The following CBLB variants were observed in gnomAD, a reference collection of about 807,000 sequenced individuals.
CBLB encodes Cbl proto-oncogene B, also known as E3 ubiquitin-protein ligase CBL-B.
In CBLB, 31 loss-of-function variants were observed where a neutral mutation model predicts 104.9. The observed-to-expected ratio is 0.30, with a 90% CI of 0.22 to 0.40. CBLB has a LOEUF of 0.40. CBLB is among the 10% of genes least tolerant of loss of function. The pLI, the probability that CBLB is intolerant of heterozygous loss-of-function variation, is 1.00. For synonymous variants in CBLB, 440 were observed against 422.6 expected (o/e 1.04, Z -0.51); for missense variants, 1,062 against 1,214.6 (o/e 0.87, Z 1.87).
intron 4 of CBLB, among the ~76,000 whole-genome samples, chr3:105,763,439 A>G (rs571134228): frequency 3.6e-4 from 54 of 152,072 alleles, no homozygotes; most frequent in Admixed American, 1.3e-3. Context: ...GAAAGGACCT[A>G]ATAGGAGGTA....
At chr3:105,729,546 A>C (rs2074075581) in intron 9 of CBLB, among the ~76,000 whole-genome samples, 1 of 152,122 alleles carries the variant, frequency 6.6e-6, no homozygotes, top group Non-Finnish European at 1.5e-5. Context: ...TGAGGAAAAA[A>C]TTGAACAAGA....
chr3:105,837,735 T>C (rs2088785947), intron 3 of CBLB, among the ~76,000 whole-genome samples: 1 of 152,180 alleles, frequency 6.6e-6, no homozygotes, highest in Admixed American at 6.5e-5. Flanking sequence ...AATTAAAACA[T>C]AAATAATAAT....
intron 3 of CBLB, among the ~76,000 whole-genome samples, chr3:105,789,714 C>T (rs1296055202): frequency 2.0e-5 from 3 of 152,110 alleles, no homozygotes; most frequent in Non-Finnish European, 2.9e-5. Context: ...CTTTTAATTA[C>T]GCTGCCATTT....
At chr3:105,704,801 A>AAACT (rs945420013) in intron 10 of CBLB, among the ~76,000 whole-genome samples, 1 of 136,846 alleles carries the variant, frequency 7.3e-6, no homozygotes, top group African/African-American at 2.6e-5. Flanking sequence ...CTTCTGGCAA[A>AAACT]AACTAAGTTT....
intron 3 of CBLB, among the ~76,000 whole-genome samples, chr3:105,849,260 A>C (rs2090656175): frequency 6.6e-6 from 1 of 152,154 alleles, no homozygotes; most frequent in Non-Finnish European, 1.5e-5. Context: ...AATTGTTATG[A>C]AACATTTATC....
chr3:105,768,018 A>G (rs1204532349), intron 4 of CBLB, among the ~76,000 whole-genome samples: 4 of 152,166 alleles, frequency 2.6e-5, no homozygotes, highest in Non-Finnish European at 5.9e-5. Context: ...CTACTTCTCA[A>G]CTCATCTGAA....
intron 3 of CBLB, among the ~76,000 whole-genome samples, chr3:105,825,817 T>C (rs1056274578): frequency 2.0e-5 from 3 of 152,178 alleles, no homozygotes; most frequent in Admixed American, 6.6e-5. Flanking sequence ...TAGCATGATA[T>C]CACTATCACA....
At chr3:105,776,349 A>C in intron 4 of CBLB, 47 bp downstream of exon 4, 1 of 1,551,606 alleles carries the variant, frequency 6.4e-7, no homozygotes, top group Non-Finnish European at 8.9e-7. Flanking sequence ...AGGATACAGT[A>C]ACCCTTGAAA....
chr3:105,728,901 C>T (rs370996307), intron 9 of CBLB, among the ~76,000 whole-genome samples: 5 of 152,160 alleles, frequency 3.3e-5, no homozygotes, highest in African/African-American at 1.2e-4. Context: ...ACAGCTACTG[C>T]GCATTTCTTA....
At chr3:105,724,546 A>G (rs2073332348) in intron 9 of CBLB, among the ~76,000 whole-genome samples, 1 of 152,186 alleles carries the variant, frequency 6.6e-6, no homozygotes, top group Non-Finnish European at 1.5e-5. Context: ...AAAGCTTTAT[A>G]AAGTGCTATA....
chr3:105,669,554 C>T (rs180899306), intron 18 of CBLB, among the ~76,000 whole-genome samples: 55 of 152,236 alleles, frequency 3.6e-4, no homozygotes, highest in African/African-American at 1.3e-3. Flanking sequence ...ATTCTTATCT[C>T]CAAAGTGTTA....
intron 2 of CBLB, among the ~76,000 whole-genome samples, chr3:105,865,803 T>C (rs1201075968): frequency 1.3e-5 from 2 of 152,180 alleles, no homozygotes; most frequent in South Asian, 2.1e-4. Context: ...AGCCCCTTTA[T>C]AGAATCTGAA....
At chr3:105,851,049 A>G (rs1159644774) in intron 3 of CBLB, among the ~76,000 whole-genome samples, 1 of 152,208 alleles carries the variant, frequency 6.6e-6, no homozygotes, top group Non-Finnish European at 1.5e-5. Context: ...AATGAGTTAA[A>G]AGCCTAAATC....
At chr3:105,786,194 T>A (rs1017726504) in intron 3 of CBLB, among the ~76,000 whole-genome samples, 1 of 152,034 alleles carries the variant, frequency 6.6e-6, no homozygotes, top group Non-Finnish European at 1.5e-5. Context: ...GTGTTGTAAA[T>A]AGGAAAACAA....
chr3:105,786,306 T>G (rs2081016880), intron 3 of CBLB, among the ~76,000 whole-genome samples: 2 of 152,232 alleles, frequency 1.3e-5, no homozygotes, highest in Middle Eastern at 3.4e-3. Flanking sequence ...CTATTTTCAG[T>G]AAGAAACAAA....
chr3:105,862,810 A>G (rs1214192121), intron 2 of CBLB, among the ~76,000 whole-genome samples: 6 of 151,972 alleles, frequency 3.9e-5, no homozygotes, highest in Admixed American at 3.9e-4. Context: ...TCAACCTAAC[A>G]TGTCCTCCAT....
intron 4 of CBLB, among the ~76,000 whole-genome samples, chr3:105,771,382 C>T (rs1475624140): frequency 7.2e-5 from 11 of 152,012 alleles, no homozygotes; most frequent in Admixed American, 3.3e-4. Flanking sequence ...GAGATTTACC[C>T]GAAAGTAATA....
intron 3 of CBLB, among the ~76,000 whole-genome samples, chr3:105,784,232 C>T (rs941769685): frequency 3.3e-5 from 5 of 152,046 alleles, no homozygotes; most frequent in Non-Finnish European, 5.9e-5. Flanking sequence ...TAGACCACTC[C>T]ATTGAGACAA....
In CBLB at chr3:105,797,133, G is replaced by A. The variant is rs78517774; in HGVS notation, c.420-20591C>T. Among the ~76,000 whole-genome samples the A allele has an allele frequency of 3.4e-3, 523 of 152,232 alleles. 4 individuals carry two copies. The highest frequency in any genetic ancestry group is 0.012 in the African/African-American group (480 of 41,530). ...CATTCTACGATAAAGACACGTGAAC[G>A]TATATGTTTACTGCAGCATTATTCA... On this transcript the variant is annotated intron_variant, in intron 3 of 18. Transcript: ENST00000394030.
Sources: allele counts gnomAD v4.1 joint callset (sites outside exome capture counted in the v4.1 genomes callset), GRCh38; gene constraint gnomAD v4.1.1; transcripts MANE v1.5; gene names NCBI Gene and HGNC (gene_info 2026-07-23, HGNC 2026-07-21).